The following ABCC10 variants were observed in gnomAD, a reference collection of about 807,000 sequenced individuals.
ABCC10 encodes ATP-binding cassette sub-family C member 10.
In ABCC10, 110 loss-of-function variants were observed where a neutral mutation model predicts 143.2. The ratio of observed to expected loss-of-function variants is 0.77; its 90% CI spans 0.66 to 0.90. The LOEUF (loss-of-function observed/expected upper bound fraction) is 0.90. Ranked by LOEUF, ABCC10 falls within the 40% of genes least tolerant of loss-of-function variation. The probability of loss-of-function intolerance (pLI) is 0.00; values close to 1 mark genes in which losing one functional copy is unlikely to be tolerated. For synonymous variants in ABCC10, 805 were observed against 846.7 expected (o/e 0.95, Z 0.85); for missense variants, 1,700 against 1,900.5 (o/e 0.89, Z 1.96).
chr6:43,451,414 GAAT>G, downstream of ABCC10: 1 of 1,144,482 alleles, frequency 8.7e-7, no homozygotes, highest in Non-Finnish European at 1.2e-6. The surrounding 1 kb of genome is among the most constrained non-coding windows in gnomAD (Gnocchi z 4.4). Context: ...TTAAAAATGA[GAAT>G]AAAAATAGTA....
chr6:43,436,357 A>C, intron 6 of ABCC10, 110 bp downstream of exon 6: 2 of 1,321,558 alleles, frequency 1.5e-6, no homozygotes, highest in South Asian at 2.7e-5. Context: ...CTGCAGCTCT[A>C]ATTGCTGCAG....
At position 43,443,315 on chromosome 6, in the gene ABCC10, G is replaced by T; in HGVS notation, c.2416+156G>T. ...ACTGGTGTGAGGAACTGGGAGAACA[G>T]GAGGGAAAAGGAGTACGTTGGTAAA... On this transcript the variant is annotated intron_variant, in intron 10 of 21. Transcript: ENST00000372530. The surrounding 1 kb of genome is among the most constrained non-coding windows in gnomAD (Gnocchi z 4.2). 1 of 722,738 alleles carries T rather than the reference G, an allele frequency of 1.4e-6. No individual in the cohort carries two copies. The highest frequency in any genetic ancestry group is 2.1e-6 in the Non-Finnish European group (1 of 470,486). The allele number at this position is 722,738 out of a possible 1,614,324, so 44.8% of individuals were successfully genotyped here. A position where few individuals can be genotyped will look rare whatever the true frequency, so the allele number is the denominator to read the frequency against.
chr6:43,451,793 C>G, downstream of ABCC10: 2 of 1,404,106 alleles, frequency 1.4e-6, no homozygotes, highest in South Asian at 3.2e-5. This position sits in a 1 kb window ranked among gnomAD's most constrained non-coding sequence, Gnocchi z 4.4. Flanking sequence ...GAACTAGGAA[C>G]ACTTTGGCAT....
chr6:43,430,252 G>A (rs1002766458), intron 2 of ABCC10, among the ~76,000 whole-genome samples: 3 of 151,592 alleles, frequency 2.0e-5, no homozygotes, highest in Admixed American at 2.0e-4. Flanking sequence ...CACCATGCCT[G>A]GCCAGTTTTC....
In ABCC10 at chr6:43,432,585, A is replaced by T. The variant is rs1372200500; in HGVS notation, c.605A>T (p.Glu202Val). Residue 202 changes from glutamate (E) to valine (V), a missense_variant, in exon 3 of 22, where the codon GAG (glutamate) becomes GTG (valine). Glu to Val is a moderately radical substitution (Grantham distance 121). Coordinates refer to ENST00000372530, the MANE Select transcript of ABCC10 (RefSeq NM_001198934.2). ...PGGPREPWAQEPLLPEDQEPE... is the reference protein window; with the variant it reads ...PGGPREPWAQVPLLPEDQEPE... Reference sequence around the variant, plus strand: ...GGACCACGAGAACCCTGGGCTCAGGAGCCCCTCCTGCCCGAGGATCAAGAA... The same window carrying T: ...GGACCACGAGAACCCTGGGCTCAGGTGCCCCTCCTGCCCGAGGATCAAGAA... The T allele has an allele frequency of 6.2e-7, 1 of 1,613,670 alleles. No individual in the cohort carries two copies. Among genetic ancestry groups the T allele is most frequent in the Admixed American group, 1.7e-5 (1 of 60,022 alleles).
rs763690963 is a variant in ABCC10, at chr6:43,432,771, A to G, written c.791A>G (p.Gln264Arg). 5 of 1,614,132 alleles carry G rather than the reference A, an allele frequency of 3.1e-6. No individual in the cohort carries two copies. The highest frequency in any genetic ancestry group is 1.3e-5 in the African/African-American group (1 of 75,030). Residue 264 changes from glutamine to arginine, a missense_variant, in exon 3 of 22, where the codon CAG becomes CGG. Physicochemically the swap from Gln to Arg is conservative, Grantham distance 43. Coordinates refer to ENST00000372530, the MANE Select transcript of ABCC10 (RefSeq NM_001198934.2). ...CCAACCTACCTGGCTCGTGTCTTCC[A>G]GGCACACTGGCAGGAGGGGGCACGG... ...LQPTYLARVF[Q>R]AHWQEGARLW...
intron 5 of ABCC10, 114 bp from the exon 6 acceptor site, chr6:43,436,024 C>T: frequency 1.9e-6 from 3 of 1,598,502 alleles, no homozygotes; most frequent in Admixed American, 3.4e-5. Flanking sequence ...CCAAAACAGA[C>T]TCATTTAGCT....
Position 43,447,796 on chromosome 6 carries a change from G to A in ABCC10, c.3818G>A (p.Gly1273Glu). The A allele has an allele frequency of 6.2e-7, 1 of 1,613,632 alleles. No homozygotes were observed. Among genetic ancestry groups the A allele is most frequent in the Non-Finnish European group, 8.5e-7 (1 of 1,180,028 alleles). ...LDGVTFCVQPGEKLGIVGRTG... is the reference protein window; with the variant it reads ...LDGVTFCVQPEEKLGIVGRTG... ...GGAGTGACCTTCTGCGTGCAGCCTG[G>A]AGAGAAGTTGGGCATCGTGGGCCGC... Residue 1273 changes from glycine (G) to glutamate (E), a missense_variant, in exon 18 of 22, where the codon GGA (glycine) becomes GAA (glutamate). By Grantham distance (98) the Gly-to-Glu change is moderately conservative. Coordinates refer to ENST00000372530, the MANE Select transcript of ABCC10 (RefSeq NM_001198934.2).
At chr6:43,429,966 G>A (rs755185529) in intron 2 of ABCC10, among the ~76,000 whole-genome samples, 1 of 152,228 alleles carries the variant, frequency 6.6e-6, no homozygotes, top group Non-Finnish European at 1.5e-5. Flanking sequence ...TTTTAGTAGA[G>A]ACAAGGCCTT....
intron 18 of ABCC10, 183 bp downstream of exon 18, chr6:43,448,120 G>A (rs1181436331): frequency 1.0e-6 from 1 of 959,218 alleles, no homozygotes; most frequent in Non-Finnish European, 1.6e-6. Context: ...CAGATTCATG[G>A]CTGGTGATCT....
rs746656811 is a variant in ABCC10 at position 43,436,214 on chromosome 6, G to A, written c.1842G>A (p.Leu614=). The A allele has an allele frequency of 1.9e-6, 3 of 1,614,010 alleles. No homozygotes were observed. In the South Asian group the frequency reaches 3.3e-5, roughly 18 times the overall value. The change falls in exon 6 of 22, where the codon CTG becomes CTA. Residue 614 remains leucine (L), a synonymous_variant. Transcript: ENST00000372530. ...LFSWDPVGTS[L]ETFISHLEVK... ...CCTGGGACCCAGTTGGAACCAGCCTGGAGACCTTCATCAGTCATCTCGAAG... is the reference window on the plus strand; with the variant it reads ...CCTGGGACCCAGTTGGAACCAGCCTAGAGACCTTCATCAGTCATCTCGAAG...
chr6:43,435,779 T>C lies in ABCC10; in HGVS notation c.1637T>C (p.Met546Thr). 1 of 1,614,112 alleles carries C rather than the reference T, an allele frequency of 6.2e-7. No individual in the cohort carries two copies. Among genetic ancestry groups the C allele is most frequent in the East Asian group, 2.2e-5 (1 of 44,886 alleles). ...KVFTALALVRMLILPLNNFPW... is the reference protein window; with the variant it reads ...KVFTALALVRTLILPLNNFPW... The stretch of plus-strand genomic sequence containing the variant: ...TTCACGGCCCTGGCACTGGTGCGAA[T>C]GCTCATTCTTCCTCTCAACAACTTC... The change falls in exon 5 of 22, where the codon ATG (methionine) becomes ACG (threonine). Residue 546 changes from methionine (M) to threonine (T), a missense_variant. Physicochemically the swap from Met to Thr is moderately conservative, Grantham distance 81 (BLOSUM62 -1). Transcript: ENST00000372530.
chr6:43,446,015 A>C, intron 15 of ABCC10, 73 bp downstream of exon 15: 8 of 1,477,398 alleles, frequency 5.4e-6, no homozygotes, highest in Non-Finnish European at 7.3e-6. Context: ...GAAGAGGAAT[A>C]TGCAGGGTAT....
Position 43,433,219 on chromosome 6 carries a change from C to A in ABCC10, c.1239C>A (p.Tyr413Ter). ...GLPLQLAITL[Y>*]LLYQQVGVAF... ...CCCTGCAACTGGCCATCACCCTCTA[C>A]CTGCTGTACCAGCAGGTAGGCGTGG... Residue 413 changes from tyrosine to a stop codon, truncating the protein, a stop_gained, in exon 3 of 22, where the codon TAC (tyrosine) becomes TAA (stop). Coordinates refer to ENST00000372530, the MANE Select transcript of ABCC10 (RefSeq NM_001198934.2). LOFTEE classifies it high-confidence loss of function. 1 of 1,614,216 alleles carries A rather than the reference C, an allele frequency of 6.2e-7. No homozygotes were observed. The highest frequency in any genetic ancestry group is 8.5e-7 in the Non-Finnish European group (1 of 1,180,008).
intron 8 of ABCC10, 75 bp downstream of exon 8, chr6:43,438,870 C>G (rs1782031098): frequency 3.9e-6 from 6 of 1,550,172 alleles, no homozygotes; most frequent in Middle Eastern, 1.8e-4. Flanking sequence ...AGGAGCTTTG[C>G]TTTTCTGGAA....
At position 43,428,280 on chromosome 6, in the gene ABCC10, TAGC is replaced by T; in HGVS notation, c.161+146_161+148del. ...AGAATAAAATCTAAGCATTGCTACTTAGCAGCAATGTGGCTGTTCTTGGGCAAG... is the reference window on the plus strand; with the variant it reads ...AGAATAAAATCTAAGCATTGCTACTTAGCAATGTGGCTGTTCTTGGGCAAG... On this transcript the variant is annotated intron_variant, in intron 2 of 21. Coordinates refer to ENST00000372530, the MANE Select transcript of ABCC10 (RefSeq NM_001198934.2). The T allele has an allele frequency of 3.0e-6, 3 of 1,012,608 alleles. No homozygotes were observed. The South Asian group carries it at 5.2e-5, about 17-fold the overall frequency. The allele number at this position is 1,012,608 out of a possible 1,614,324, so 62.7% of individuals were successfully genotyped here. A position where few individuals can be genotyped will look rare whatever the true frequency, so the allele number is the denominator to read the frequency against.
rs759207519 is a variant in ABCC10 at position 43,444,366 on chromosome 6, C to G, written c.2689+13C>G. 6.3e-7 allele frequency: 1 copy of G among 1,588,738 alleles called. No individual in the cohort carries two copies. The highest frequency in any genetic ancestry group is 1.1e-5 in the South Asian group (1 of 87,286). On this transcript the variant is annotated intron_variant, in intron 12 of 21. Coordinates refer to ENST00000372530, the MANE Select transcript of ABCC10 (RefSeq NM_001198934.2). The stretch of plus-strand genomic sequence containing the variant: ...CTTCTCATGCAAGGTGAGAGCGTGC[C>G]TGGGAGTCTCTTACATCGTAACGGC...
chr6:43,440,064 C>T (rs555038524), intron 8 of ABCC10, among the ~76,000 whole-genome samples: 1 of 152,130 alleles, frequency 6.6e-6, no homozygotes, highest in African/African-American at 2.4e-5. Flanking sequence ...TCAAGTAATT[C>T]TCTTGCCTCA....
intron 18 of ABCC10, among the ~76,000 whole-genome samples, chr6:43,448,594 CATTT>C (rs1783395629): frequency 6.6e-6 from 1 of 152,144 alleles, no homozygotes; most frequent in African/African-American, 2.4e-5. Context: ...CAGTTTAGCC[CATTT>C]GTTTTGTCTG....
Sources: allele counts gnomAD v4.1 joint callset (sites outside exome capture counted in the v4.1 genomes callset), GRCh38; gene constraint gnomAD v4.1.1; non-coding constraint Gnocchi (gnomAD v3.1); transcripts MANE v1.5; gene names NCBI Gene and HGNC (gene_info 2026-07-23, HGNC 2026-07-21).